The following PRDM16 variants were observed in gnomAD, a reference collection of about 807,000 sequenced individuals.
PRDM16 encodes the protein histone-lysine N-methyltransferase PRDM16.
A neutral mutation model predicts 110.6 loss-of-function variants in PRDM16; 23 were observed. That is an observed-to-expected ratio of 0.21 (90% CI 0.15 to 0.29). PRDM16 has a LOEUF of 0.29. PRDM16 is among the 10% of genes least tolerant of loss of function. The pLI, the probability that PRDM16 is intolerant of heterozygous loss-of-function variation, is 1.00. For synonymous variants in PRDM16, 799 were observed against 781.8 expected (o/e 1.02, Z -0.37); for missense variants, 1,615 against 1,794.3 (o/e 0.90, Z 1.81).
chr1:3,318,960 A>G (rs1382579313), intron 3 of PRDM16, among the ~76,000 whole-genome samples: 1 of 152,256 alleles, frequency 6.6e-6, no homozygotes, highest in Non-Finnish European at 1.5e-5. Flanking sequence ...ATTCATTTAC[A>G]TTTTTAATGC....
At chr1:3,369,734 A>T (rs1380654195) in intron 3 of PRDM16, among the ~76,000 whole-genome samples, 1 of 152,270 alleles carries the variant, frequency 6.6e-6, no homozygotes, top group South Asian at 2.1e-4. Context: ...GCATCTTTTT[A>T]TGCACGCATA....
intron 3 of PRDM16, among the ~76,000 whole-genome samples, chr1:3,301,055 G>A (rs559252405): frequency 3.9e-5 from 6 of 152,300 alleles, no homozygotes; most frequent in Non-Finnish European, 5.9e-5. Flanking sequence ...TTTGGGCCGG[G>A]CACAGTGGCT....
chr1:3,294,531 C>G (rs1324122278), intron 3 of PRDM16, among the ~76,000 whole-genome samples: 5 of 152,102 alleles, frequency 3.3e-5, no homozygotes, highest in Non-Finnish European at 7.4e-5. Context: ...CCAACATCAG[C>G]AACACAGCCC....
At position 3,190,227 on chromosome 1, in the gene PRDM16, C is replaced by A. The variant is rs917241993; in HGVS notation, c.387+3753C>A. On this transcript the variant is annotated intron_variant, in intron 2 of 16. Transcript: ENST00000270722. The surrounding 1 kb of genome is among the most constrained non-coding windows in gnomAD (Gnocchi z 5.0). ...ACTTCAAGGTCGTGGGGCAGCCTTA[C>A]TTCAAGGTCGTGGGGCAGCCTTACT... 1.3e-5 allele frequency among the ~76,000 whole-genome samples: 2 copies of A among 148,732 alleles called. 1 individual carries two copies. The highest frequency in any genetic ancestry group is 1.3e-4 in the Admixed American group (2 of 15,046).
At chr1:3,192,607 C>T (rs1035401691) in intron 2 of PRDM16, among the ~76,000 whole-genome samples, 1 of 152,118 alleles carries the variant, frequency 6.6e-6, no homozygotes, top group Non-Finnish European at 1.5e-5. Context: ...TGGACTTAGA[C>T]CCCTCCGTCG....
At chr1:3,109,823 G>A (rs566911842) in intron 1 of PRDM16, among the ~76,000 whole-genome samples, 6 of 152,376 alleles carry the variant, frequency 3.9e-5, no homozygotes, top group South Asian at 4.1e-4. Flanking sequence ...TGAGTGGCCG[G>A]TGTGTTTTTC....
intron 3 of PRDM16, among the ~76,000 whole-genome samples, chr1:3,331,536 A>G (rs1445285519): frequency 4.6e-5 from 7 of 152,148 alleles, no homozygotes; most frequent in Non-Finnish European, 7.4e-5. Context: ...AGGGACACAC[A>G]TGGGACGGGG....
At position 3,079,938 on chromosome 1, in the gene PRDM16, C is replaced by T. The variant is rs757795550; in HGVS notation, c.37+10642C>T. On this transcript the variant is annotated intron_variant, in intron 1 of 16. Coordinates refer to ENST00000270722, the MANE Select transcript of PRDM16 (RefSeq NM_022114.4). ...AGAGCCACTTGCCTTGGCTGCACCT[C>T]GGTCCTTAGCCCTCCGTGGCGCCAG... Among the ~76,000 whole-genome samples the T allele has an allele frequency of 8.1e-4, 123 of 152,358 alleles. 1 individual carries two copies. Among genetic ancestry groups the T allele is most frequent in the Non-Finnish European group, 3.7e-4 (25 of 68,042 alleles).
rs575704211 is a variant in PRDM16, at chr1:3,151,513, G to A, written c.38-34612G>A. Among the ~76,000 whole-genome samples, 83 of 152,346 alleles carry A rather than the reference G, an allele frequency of 5.4e-4. 1 individual carries two copies. Among genetic ancestry groups the A allele is most frequent in the Non-Finnish European group, 9.7e-4 (66 of 68,030 alleles). ...CCTTTTACTAACAGGCTTCCCAGAG[G>A]GTGTGTTCTGATCAGACTTCCATCT... On this transcript the variant is annotated intron_variant, in intron 1 of 16. Transcript: ENST00000270722.
intron 5 of PRDM16, among the ~76,000 whole-genome samples, chr1:3,401,317 G>A (rs139730715): frequency 3.1e-4 from 47 of 152,258 alleles, no homozygotes; most frequent in African/African-American, 9.1e-4. Context: ...CCATCCCCCC[G>A]TCTCCGCGGC....
intron 1 of PRDM16, chr1:3,133,093 G>C (rs1643367305): frequency 6.6e-6 from 1 of 152,288 alleles, no homozygotes; most frequent in South Asian, 2.1e-4. Flanking sequence ...GCCAGACTGA[G>C]TGGTCCACAC....
At chr1:3,330,534 C>T (rs1384877648) in intron 3 of PRDM16, among the ~76,000 whole-genome samples, 1 of 152,156 alleles carries the variant, frequency 6.6e-6, no homozygotes, top group Non-Finnish European at 1.5e-5. Context: ...CCACCACATC[C>T]CCTCTCAGCT....
chr1:3,396,334 T>A, intron 4 of PRDM16, 157 bp from the exon 5 acceptor site: 1 of 698,374 alleles, frequency 1.4e-6, no homozygotes, highest in Non-Finnish European at 2.6e-6. Flanking sequence ...GCGCATACTC[T>A]GCAAAAGTTC....
At chr1:3,334,730 G>C (rs1418549436) in intron 3 of PRDM16, among the ~76,000 whole-genome samples, 1 of 152,192 alleles carries the variant, frequency 6.6e-6, no homozygotes, top group Non-Finnish European at 1.5e-5. Flanking sequence ...TCCTTCTCAC[G>C]GATCTCAGCT....
intron 3 of PRDM16, among the ~76,000 whole-genome samples, chr1:3,253,163 G>A (rs1000168666): frequency 2.6e-5 from 4 of 151,610 alleles, no homozygotes; most frequent in African/African-American, 4.9e-5. Flanking sequence ...AGGCCACGTC[G>A]GAAAATAAGG....
intron 3 of PRDM16, among the ~76,000 whole-genome samples, chr1:3,325,633 A>G (rs1041303895): frequency 6.6e-6 from 1 of 152,204 alleles, no homozygotes; most frequent in South Asian, 2.1e-4. Context: ...AGTTCTACAG[A>G]CCCGAAGCCT....
chr1:3,087,168 T>TCAGCCCCACCCGAGAC (rs777403111), intron 1 of PRDM16, among the ~76,000 whole-genome samples: 2 of 148,792 alleles, frequency 1.3e-5, no homozygotes, highest in East Asian at 2.0e-4. Flanking sequence ...CACGTGCTGG[T>TCAGCCCCACCCGAGAC]CAGCCCCACC....
intron 8 of PRDM16, among the ~76,000 whole-genome samples, chr1:3,409,899 TGTG>T (rs1156301200): frequency 2.5e-5 from 3 of 117,928 alleles, no homozygotes; most frequent in Admixed American, 9.4e-5. Flanking sequence ...ATGTGTGTGG[TGTG>T]GTTGTGGGTG....
intron 3 of PRDM16, among the ~76,000 whole-genome samples, chr1:3,334,610 G>C (rs1222594445): frequency 1.3e-5 from 2 of 152,196 alleles, no homozygotes; most frequent in African/African-American, 4.8e-5. Context: ...GCCTTGCAGA[G>C]GCTGTGCCCA....
Sources: allele counts gnomAD v4.1 joint callset (sites outside exome capture counted in the v4.1 genomes callset), GRCh38; gene constraint gnomAD v4.1.1; non-coding constraint Gnocchi (gnomAD v3.1); transcripts MANE v1.5; gene names NCBI Gene and HGNC (gene_info 2026-07-23, HGNC 2026-07-21).